Variants in NFATC3 observed in about 807,000 individuals in gnomAD.
NFATC3 encodes the protein nuclear factor of activated T cells 3, also known as nuclear factor of activated T-cells, cytoplasmic 3.
Under a neutral mutation model 98.6 loss-of-function variants are expected in NFATC3, and 46 were observed. The observed-to-expected ratio is 0.47, with a 90% CI of 0.37 to 0.60. The LOEUF is 0.60. Ranked by LOEUF, NFATC3 falls within the 20% of genes least tolerant of loss-of-function variation. The pLI is 0.00. For synonymous variants in NFATC3, 512 were observed against 472.2 expected, an observed-to-expected ratio of 1.08 and a Z score of -1.09; for missense variants, 1,256 against 1,295.5, an observed-to-expected ratio of 0.97 and a Z score of 0.47.
Position 68,228,615 on chromosome 16 carries a change from A to G in NFATC3, c.*2144A>G, listed in dbSNP as rs1409289158. ...CTTTGTATACTATGTAAGCAGTTTT[A>G]TATCAGCTTTGTAAAAGCTTTGGTG... On this transcript the variant is annotated 3_prime_UTR_variant, in exon 10 of 10. Coordinates refer to ENST00000346183, the MANE Select transcript of NFATC3 (RefSeq NM_173165.3). 1.3e-5 allele frequency: 2 copies of G among 152,654 alleles called. No individual in the cohort carries two copies. Among genetic ancestry groups the G allele is most frequent in the Admixed American group, 6.5e-5 (1 of 15,288 alleles). The allele number at this position is 152,654 out of a possible 1,614,324, so 9.5% of individuals were successfully genotyped here.
intron 9 of NFATC3, among the ~76,000 whole-genome samples, chr16:68,208,083 T>C (rs1196344265): frequency 1.3e-5 from 2 of 152,084 alleles, no homozygotes; most frequent in Non-Finnish European, 2.9e-5. Flanking sequence ...TCACCCAAGC[T>C]GGAGTGTAGT....
chr16:68,132,511 TAG>T (rs1319544646), intron 3 of NFATC3, among the ~76,000 whole-genome samples: 1 of 152,134 alleles, frequency 6.6e-6, no homozygotes, highest in Non-Finnish European at 1.5e-5. Flanking sequence ...AATTTAAAAA[TAG>T]AACTACCATG....
At chr16:68,192,389 G>A (rs2040482451) in intron 9 of NFATC3, among the ~76,000 whole-genome samples, 1 of 149,410 alleles carries the variant, frequency 6.7e-6, no homozygotes, top group Admixed American at 6.7e-5. Context: ...CCATGCCTTA[G>A]CATCTGTTTT....
intron 9 of NFATC3, chr16:68,212,447 G>A (rs1005422054): frequency 1.3e-5 from 2 of 152,168 alleles, no homozygotes; most frequent in African/African-American, 2.4e-5. Flanking sequence ...GTACAACAGA[G>A]GCCAAGAATA....
chr16:68,124,090 G>A (rs571590708), intron 2 of NFATC3, among the ~76,000 whole-genome samples: 2 of 152,136 alleles, frequency 1.3e-5, no homozygotes, highest in African/African-American at 4.8e-5. Context: ...TTCCCACATG[G>A]AGTTGTGCCT....
intron 4 of NFATC3, among the ~76,000 whole-genome samples, chr16:68,158,911 G>A (rs2038748989): frequency 1.3e-5 from 2 of 152,182 alleles, no homozygotes; most frequent in African/African-American, 4.8e-5. Flanking sequence ...ACATGGTTAT[G>A]TTTACCAGAA....
intron 4 of NFATC3, among the ~76,000 whole-genome samples, chr16:68,165,382 T>C (rs2039139854): frequency 6.6e-6 from 1 of 150,842 alleles, no homozygotes; most frequent in African/African-American, 2.4e-5. Flanking sequence ...GTCTTTTTTT[T>C]TTTCTTTTTC....
intron 1 of NFATC3, among the ~76,000 whole-genome samples, chr16:68,104,653 G>GTTTTTTTTTTT (rs778016298): frequency 4.8e-4 from 61 of 126,688 alleles, no homozygotes; most frequent in African/African-American, 1.1e-3. Context: ...TTCACAAATG[G>GTTTTTTTTTTT]TTTTTTTTTT....
rs2042066843 is a variant in NFATC3 at position 68,227,855 on chromosome 16, T to C, written c.*1384T>C. 1 of 152,096 alleles carries C rather than the reference T, an allele frequency of 6.6e-6. No homozygotes were observed. Among genetic ancestry groups the C allele is most frequent in the African/African-American group, 2.4e-5 (1 of 41,430 alleles). The allele number at this position is 152,096 out of a possible 1,614,324, so 9.4% of individuals were successfully genotyped here. A position where few individuals can be genotyped will look rare whatever the true frequency, so the allele number is the denominator to read the frequency against. On this transcript the variant is annotated 3_prime_UTR_variant, in exon 10 of 10. Coordinates refer to ENST00000346183, the MANE Select transcript of NFATC3 (RefSeq NM_173165.3). The stretch of plus-strand genomic sequence containing the variant: ...CCCTAATGGGATTTTTTTTACCTGT[T>C]CCTGGGCCCATTACAGAGCCTCTGA...
At chr16:68,162,015 ACTGTGTATTTTAGAC>A (rs2038916377) in intron 4 of NFATC3, among the ~76,000 whole-genome samples, 1 of 152,148 alleles carries the variant, frequency 6.6e-6, no homozygotes, top group Non-Finnish European at 1.5e-5. Context: ...TCTAGCATGT[ACTGTGTATTTTAGAC>A]CAGAAAGGAC....
chr16:68,099,339 G>T (rs893717653), intron 1 of NFATC3, among the ~76,000 whole-genome samples: 1 of 152,092 alleles, frequency 6.6e-6, no homozygotes, highest in Non-Finnish European at 1.5e-5. Flanking sequence ...GGAGGCTGAG[G>T]CAGGAGAATG....
At chr16:68,157,014 A>G (rs1467473177) in intron 3 of NFATC3, among the ~76,000 whole-genome samples, 1 of 152,046 alleles carries the variant, frequency 6.6e-6, no homozygotes, top group Non-Finnish European at 1.5e-5. Flanking sequence ...AAAAACTCAC[A>G]CCTAATATCA....
chr16:68,202,617 G>C (rs1362323180), intron 9 of NFATC3, among the ~76,000 whole-genome samples: 1 of 152,146 alleles, frequency 6.6e-6, no homozygotes, highest in Non-Finnish European at 1.5e-5. Context: ...TTTGAGACCA[G>C]CCTGGCCAAT....
chr16:68,143,619 C>T (rs4783551), intron 3 of NFATC3, among the ~76,000 whole-genome samples: 10 of 152,094 alleles, frequency 6.6e-5, no homozygotes, highest in Non-Finnish European at 1.2e-4. Context: ...GAGACTGAGG[C>T]GGGCAGATGA....
At chr16:68,215,562 G>T (rs921840684) in intron 9 of NFATC3, among the ~76,000 whole-genome samples, 2 of 152,154 alleles carry the variant, frequency 1.3e-5, no homozygotes, top group Non-Finnish European at 2.9e-5. Flanking sequence ...GGGATCGATG[G>T]ATGACTGAGT....
intron 3 of NFATC3, among the ~76,000 whole-genome samples, chr16:68,132,808 T>C (rs2037183886): frequency 6.6e-6 from 1 of 152,180 alleles, no homozygotes; most frequent in African/African-American, 2.4e-5. Flanking sequence ...ATGAAGGGGC[T>C]AAAAAATTTG....
intron 4 of NFATC3, 141 bp from the exon 5 acceptor site, chr16:68,166,702 A>G: frequency 3.1e-6 from 2 of 645,616 alleles, no homozygotes. Context: ...TTTAGCAGTG[A>G]ATAGCAATCA....
chr16:68,123,101 T>C lies in NFATC3; in HGVS notation c.1218T>C (p.Pro406=), dbSNP rs902396404. The C allele has an allele frequency of 1.9e-6, 3 of 1,602,046 alleles. No homozygotes were observed. Among genetic ancestry groups the C allele is most frequent in the Non-Finnish European group, 1.7e-6 (2 of 1,179,254 alleles). ...CCTTTACCTGGAGCAAACCAAAGCC[T>C]GGCCACACCCCTATATTTCGGTGAG... ...PSPFTWSKPK[P]GHTPIFRTSS... The change falls in exon 2 of 10, where the codon CCT becomes CCC. Residue 406 remains proline, a synonymous_variant. Coordinates refer to ENST00000346183, the MANE Select transcript of NFATC3 (RefSeq NM_173165.3).
chr16:68,111,857 G>A (rs747117093), intron 1 of NFATC3, among the ~76,000 whole-genome samples: 17 of 152,244 alleles, frequency 1.1e-4, no homozygotes, highest in African/African-American at 4.1e-4. Flanking sequence ...GTCTGAAAAG[G>A]ACTTTATTTC....
Sources: allele counts gnomAD v4.1 joint callset (sites outside exome capture counted in the v4.1 genomes callset), GRCh38; gene constraint gnomAD v4.1.1; transcripts MANE v1.5; gene names NCBI Gene and HGNC (gene_info 2026-07-23, HGNC 2026-07-21).